EFCAB11: variants seen among roughly 807,000 people sequenced by gnomAD.
The protein encoded by EFCAB11 is EF-hand calcium binding domain 11.
Under a neutral mutation model 23.0 loss-of-function variants are expected in EFCAB11, and 14 were observed. The observed-to-expected ratio is 0.61, with a 90% confidence interval of 0.40 to 0.95. The LOEUF (loss-of-function observed/expected upper bound fraction) is 0.95, where lower values mean the gene tolerates loss of function less well. EFCAB11 is among the 40% of genes least tolerant of loss of function. EFCAB11 has a pLI of 0.00. For synonymous variants in EFCAB11, 65 were observed against 66.6 expected, an observed-to-expected ratio of 0.98 and a Z score of 0.11; for missense variants, 198 against 195.8, an observed-to-expected ratio of 1.01 and a Z score of -0.07.
At chr14:89,879,345 A>C (rs778480861) in intron 5 of EFCAB11, among the ~76,000 whole-genome samples, 5 of 151,980 alleles carry the variant, frequency 3.3e-5, no homozygotes, top group African/African-American at 1.2e-4. Context: ...AGCCTGTGTT[A>C]TTGTTCTTTT....
chr14:89,953,796 T>C, intron 2 of EFCAB11, 110 bp downstream of exon 2: 2 of 828,428 alleles, frequency 2.4e-6, no homozygotes, highest in East Asian at 2.6e-5. Flanking sequence ...ATCTCTGAAA[T>C]TGCTTATAAA....
At chr14:89,904,698 G>A (rs967635581) in intron 5 of EFCAB11, among the ~76,000 whole-genome samples, 1 of 152,134 alleles carries the variant, frequency 6.6e-6, no homozygotes, top group Non-Finnish European at 1.5e-5. Context: ...TCTCATGGTG[G>A]TTTTGATTTG....
chr14:89,893,601 G>C (rs1354485681), intron 5 of EFCAB11, among the ~76,000 whole-genome samples: 5 of 152,010 alleles, frequency 3.3e-5, no homozygotes, highest in Non-Finnish European at 7.4e-5. Flanking sequence ...TCTTGCCCCA[G>C]CTCTGGACAA....
intron 4 of EFCAB11, 32 bp downstream of exon 4, chr14:89,932,494 T>C: frequency 6.4e-7 from 1 of 1,574,052 alleles, no homozygotes; most frequent in Non-Finnish European, 8.7e-7. Flanking sequence ...AAAGTAATTT[T>C]TTTTACATCA....
chr14:89,853,521 A>G (rs1642784683), intron 5 of EFCAB11, among the ~76,000 whole-genome samples: 1 of 152,188 alleles, frequency 6.6e-6, no homozygotes, highest in African/African-American at 2.4e-5. Context: ...GAGGCACCTA[A>G]GCAACTTACC....
chr14:89,915,642 C>T (rs1340751951), intron 5 of EFCAB11, among the ~76,000 whole-genome samples: 1 of 152,104 alleles, frequency 6.6e-6, no homozygotes, highest in African/African-American at 2.4e-5. Context: ...GGCTTTTTCA[C>T]CTGAGAAGAA....
At chr14:89,843,484 T>C (rs1346389885) in intron 5 of EFCAB11, among the ~76,000 whole-genome samples, 1 of 152,180 alleles carries the variant, frequency 6.6e-6, no homozygotes, top group Non-Finnish European at 1.5e-5. Context: ...GGCTGTAGTA[T>C]ATAAAGAAAA....
At chr14:89,874,815 C>T (rs1004333476) in intron 5 of EFCAB11, among the ~76,000 whole-genome samples, 1 of 151,918 alleles carries the variant, frequency 6.6e-6, no homozygotes, top group African/African-American at 2.4e-5. Context: ...TGGCGTGGAT[C>T]TGGGAAGCGG....
chr14:89,925,995 A>G (rs1890181581), intron 5 of EFCAB11, among the ~76,000 whole-genome samples: 1 of 151,706 alleles, frequency 6.6e-6, no homozygotes, highest in Non-Finnish European at 1.5e-5. Context: ...TGCTGGGATA[A>G]TTTTTTTTAT....
chr14:89,869,592 T>A (rs1888205436), intron 5 of EFCAB11, among the ~76,000 whole-genome samples: 1 of 152,140 alleles, frequency 6.6e-6, no homozygotes, highest in African/African-American at 2.4e-5. Flanking sequence ...CAGGACCGAG[T>A]GTGCACTCTG....
intron 2 of EFCAB11, among the ~76,000 whole-genome samples, chr14:89,951,876 G>C (rs942426505): frequency 6.6e-6 from 1 of 152,156 alleles, no homozygotes. Context: ...AGTGAGCCTA[G>C]ATCACGCCAC....
At chr14:89,856,119 C>T (rs1887743380) in intron 5 of EFCAB11, among the ~76,000 whole-genome samples, 1 of 151,610 alleles carries the variant, frequency 6.6e-6, no homozygotes. Context: ...AATTTTATTT[C>T]CTTTGGGTAT....
intron 5 of EFCAB11, among the ~76,000 whole-genome samples, chr14:89,815,960 T>C (rs1886322809): frequency 6.6e-6 from 1 of 152,222 alleles, no homozygotes; most frequent in African/African-American, 2.4e-5. Context: ...ACATTGAATC[T>C]GTAGATAGCT....
chr14:89,919,841 G>A (rs980798200), intron 5 of EFCAB11, among the ~76,000 whole-genome samples: 2 of 152,126 alleles, frequency 1.3e-5, no homozygotes, highest in African/African-American at 4.8e-5. Flanking sequence ...TCACTGCTTT[G>A]CCCTGATTTT....
At chr14:89,802,015 A>AGTCAATGT (rs1885801177) in intron 5 of EFCAB11, among the ~76,000 whole-genome samples, 1 of 152,086 alleles carries the variant, frequency 6.6e-6, no homozygotes, top group African/African-American at 2.4e-5. Context: ...AAATGTAAAT[A>AGTCAATGT]GTCAATGTTT....
intron 5 of EFCAB11, among the ~76,000 whole-genome samples, chr14:89,849,386 T>A (rs1170650352): frequency 6.6e-6 from 1 of 152,244 alleles, no homozygotes; most frequent in African/African-American, 2.4e-5. Flanking sequence ...GTCCAACAAT[T>A]GGCAGATTAT....
rs573624718 is a variant in EFCAB11 at position 89,907,637 on chromosome 14, A to G, written c.410+23904T>C. Among the ~76,000 whole-genome samples, 116 of 152,316 alleles carry G rather than the reference A, an allele frequency of 7.6e-4. 3 individuals carry two copies. The South Asian group carries it at 0.024, about 31-fold the overall frequency. On this transcript the variant is annotated intron_variant, in intron 5 of 5. Coordinates refer to ENST00000316738, the MANE Select transcript of EFCAB11 (RefSeq NM_145231.4). Reference sequence around the variant, plus strand: ...ACTGAACTGGAAAGGCCTTTAAATAAAATGGTTCCTTCAAAATTTACAGAC... The same window carrying G: ...ACTGAACTGGAAAGGCCTTTAAATAGAATGGTTCCTTCAAAATTTACAGAC...
intron 5 of EFCAB11, among the ~76,000 whole-genome samples, chr14:89,916,994 A>G (rs1045803117): frequency 2.6e-5 from 4 of 151,878 alleles, no homozygotes; most frequent in Non-Finnish European, 4.4e-5. Context: ...TTATAAAAGT[A>G]TACTTTGTGT....
At position 89,797,018 on chromosome 14, in the gene EFCAB11, T is replaced by C; in HGVS notation, c.*225A>G. The stretch of plus-strand genomic sequence containing the variant: ...TATCATCAGCATCCAAAAATTATGA[T>C]TAAAAATTTAGTCAATTACTTATTG... On this transcript the variant is annotated 3_prime_UTR_variant, in exon 6 of 6. Coordinates refer to ENST00000316738, the MANE Select transcript of EFCAB11 (RefSeq NM_145231.4). The C allele has an allele frequency of 3.8e-6, 1 of 266,190 alleles. No individual in the cohort carries two copies. The highest frequency in any genetic ancestry group is 7.1e-6 in the Non-Finnish European group (1 of 139,938). 16.5% of individuals were successfully genotyped at this position (266,190 alleles called of 1,614,324 possible).
Sources: gnomAD v4.1 joint callset for allele counts (sites outside exome capture counted in the v4.1 genomes callset) on GRCh38, gnomAD v4.1.1 for gene constraint, MANE v1.5 for transcripts, NCBI Gene and HGNC (gene_info 2026-07-23, HGNC 2026-07-21) for gene names.